EPB41L1: variants seen among roughly 807,000 people sequenced by gnomAD.
EPB41L1 encodes erythrocyte membrane protein band 4.1 like 1, also known as band 4.1-like protein 1.
In EPB41L1, 29 loss-of-function variants were observed where a neutral mutation model predicts 97.8. That is an observed-to-expected ratio of 0.30 (90% confidence interval 0.22 to 0.40). The LOEUF (loss-of-function observed/expected upper bound fraction) is 0.40. Among genes scored for constraint, EPB41L1 ranks in the 10% least tolerant of loss-of-function variants. The pLI is 1.00. For missense variants in EPB41L1, 812 were observed against 1,162.3 expected (o/e 0.70, Z 4.38); for synonymous variants, 383 against 459.2 (o/e 0.83, Z 2.12).
intron 1 of EPB41L1, among the ~76,000 whole-genome samples, chr20:36,095,040 C>T (rs947833750): frequency 4.0e-5 from 6 of 151,850 alleles, no homozygotes; most frequent in Admixed American, 3.9e-4. Context: ...GGCATGATCT[C>T]GGCTCACTGC....
intron 2 of EPB41L1, among the ~76,000 whole-genome samples, chr20:36,130,021 A>C (rs1448512526): frequency 6.7e-6 from 1 of 149,152 alleles, no homozygotes; most frequent in East Asian, 2.0e-4. Flanking sequence ...AGCTTACTGC[A>C]ACCTCCGCCC....
intron 11 of EPB41L1, among the ~76,000 whole-genome samples, chr20:36,193,542 A>T (rs1422882376): frequency 6.6e-6 from 1 of 152,244 alleles, no homozygotes; most frequent in East Asian, 1.9e-4. Flanking sequence ...CCAATGCGTG[A>T]TGCGAAGTCT....
chr20:36,198,691 T>G (rs1270079743), intron 14 of EPB41L1, among the ~76,000 whole-genome samples: 1 of 152,226 alleles, frequency 6.6e-6, no homozygotes, highest in Admixed American at 6.5e-5. Flanking sequence ...AGCACTGCAT[T>G]TAGACTCTCA....
chr20:36,227,807 A>C (rs1038651639), intron 21 of EPB41L1, among the ~76,000 whole-genome samples: 1 of 152,178 alleles, frequency 6.6e-6, no homozygotes, highest in Admixed American at 6.5e-5. Context: ...CACTCATGTC[A>C]CACAGAACCT....
chr20:36,168,459 G>A (rs1346572963), intron 1 of EPB41L1, among the ~76,000 whole-genome samples: 1 of 151,988 alleles, frequency 6.6e-6, no homozygotes, highest in Non-Finnish European at 1.5e-5. Context: ...CCTCCTCACT[G>A]CAGCTTCCCA....
Position 36,229,313 on chromosome 20 carries a change from C to T in EPB41L1, c.2638-19C>T. ...CCCACTCCCCACCCCCCATTCTACC[C>T]CATGCCTCTGGCTTCCAGGAATCCT... On this transcript the variant is annotated intron_variant, in intron 21 of 21. Transcript: ENST00000338074. 6.2e-7 allele frequency: 1 copy of T among 1,610,812 alleles called. No homozygotes were observed. The highest frequency in any genetic ancestry group is 2.2e-5 in the East Asian group (1 of 44,816).
In EPB41L1 at chr20:36,212,300, G is replaced by A. The variant is rs2063178175; in HGVS notation, c.2108G>A (p.Ser703Asn). The A allele has an allele frequency of 6.2e-7, 1 of 1,614,208 alleles. No homozygotes were observed. The highest frequency in any genetic ancestry group is 8.5e-7 in the Non-Finnish European group (1 of 1,180,036). The change falls in exon 16 of 22, where the codon AGC (serine) becomes AAC (asparagine). Residue 703 changes from serine to asparagine, a missense_variant. By Grantham distance (46) the Ser-to-Asn change is conservative. Transcript: ENST00000338074. This position sits in a 1 kb window ranked among gnomAD's most constrained non-coding sequence, Gnocchi z 4.8. ...GTGAAAACAGAAACCATGACTGTCA[G>A]CAGTCTGGCCATTAGAAAGAAGATT... ...EPVKTETMTV[S>N]SLAIRKKIEP... is the part of the protein sequence containing the mutation.
intron 21 of EPB41L1, among the ~76,000 whole-genome samples, chr20:36,222,646 T>C (rs1431196974): frequency 2.0e-5 from 3 of 151,950 alleles, no homozygotes; most frequent in Non-Finnish European, 4.4e-5. Flanking sequence ...GAAAAATAAA[T>C]CCAGAAGTGG....
rs148334924 is a variant in EPB41L1, at chr20:36,171,446, T to C, written c.-14-2318T>C. 7.3e-3 allele frequency among the ~76,000 whole-genome samples: 1,116 copies of C among 152,142 alleles called. 13 individuals are homozygous for C. The highest frequency in any genetic ancestry group is 0.026 in the African/African-American group (1,058 of 41,486). ...GGCTTGAGTGGAAAGCATTTCTGGGTGGGGAGGAGGTGATGGGGACCCAGG... is the reference window on the plus strand; with the variant it reads ...GGCTTGAGTGGAAAGCATTTCTGGGCGGGGAGGAGGTGATGGGGACCCAGG... On this transcript the variant is annotated intron_variant, in intron 1 of 21. Coordinates refer to ENST00000338074, the MANE Select transcript of EPB41L1 (RefSeq NM_012156.2).
chr20:36,178,085 C>T, intron 4 of EPB41L1, 29 bp downstream of exon 4: 2 of 1,551,018 alleles, frequency 1.3e-6, no homozygotes, highest in Non-Finnish European at 1.8e-6. Flanking sequence ...AGGGTGGGAC[C>T]TGCTCTTCCG....
At chr20:36,180,489 A>G (rs1347177323) in intron 5 of EPB41L1, among the ~76,000 whole-genome samples, 1 of 152,140 alleles carries the variant, frequency 6.6e-6, no homozygotes, top group Non-Finnish European at 1.5e-5. Flanking sequence ...TGACATATGT[A>G]TGGACAGCAC....
At chr20:36,200,989 C>T (rs764317640) in intron 14 of EPB41L1, 11 of 457,004 alleles carry the variant, frequency 2.4e-5, no homozygotes, top group Non-Finnish European at 3.5e-5. Context: ...TTACTGTCTT[C>T]ACCTTCCTGT....
At chr20:36,144,408 C>A (rs1198081553) in intron 2 of EPB41L1, among the ~76,000 whole-genome samples, 1 of 152,200 alleles carries the variant, frequency 6.6e-6, no homozygotes, top group Non-Finnish European at 1.5e-5. Context: ...ATGGATCCAA[C>A]TGAACAGGCT....
At chr20:36,204,678 T>C (rs1245101695) in intron 14 of EPB41L1, among the ~76,000 whole-genome samples, 3 of 150,290 alleles carry the variant, frequency 2.0e-5, no homozygotes, top group Non-Finnish European at 4.4e-5. Flanking sequence ...AGTCTCGCTC[T>C]GTCACCAGGC....
chr20:36,221,848 C>G lies in EPB41L1; in HGVS notation c.2440-16C>G, dbSNP rs1316269465. ...ACAGGACCCAAGAGTGACCTCACCT[C>G]CCTCTCCCTCTGCAGACTGTGAAAG... is the stretch of plus-strand genomic sequence containing the variant. On this transcript the variant is annotated splice_polypyrimidine_tract_variant and intron_variant, in intron 19 of 21. Coordinates refer to ENST00000338074, the MANE Select transcript of EPB41L1 (RefSeq NM_012156.2). 4 of 1,613,500 alleles carry G rather than the reference C, an allele frequency of 2.5e-6. No individual in the cohort carries two copies. The highest frequency in any genetic ancestry group is 3.4e-6 in the Non-Finnish European group (4 of 1,179,520).
chr20:36,225,014 G>T (rs1341478893), intron 21 of EPB41L1, among the ~76,000 whole-genome samples: 1 of 152,158 alleles, frequency 6.6e-6, no homozygotes, highest in Non-Finnish European at 1.5e-5. Flanking sequence ...TAGAGACGGG[G>T]TTTCACCATA....
intron 2 of EPB41L1, among the ~76,000 whole-genome samples, chr20:36,140,395 A>G (rs1342259013): frequency 1.3e-5 from 2 of 152,062 alleles, no homozygotes; most frequent in African/African-American, 4.8e-5. Context: ...TCTAAGAGAC[A>G]TGGTAGTCAA....
intron 2 of EPB41L1, among the ~76,000 whole-genome samples, chr20:36,140,043 T>G (rs528102573): frequency 4.9e-4 from 73 of 149,270 alleles, no homozygotes; most frequent in African/African-American, 1.2e-3. Flanking sequence ...GTGGTTTTTT[T>G]TTGTTGTTGT....
chr20:36,194,344 A>G lies in EPB41L1; in HGVS notation c.1433A>G (p.Lys478Arg), dbSNP rs1431468763. 1.2e-6 allele frequency: 2 copies of G among 1,612,440 alleles called. No individual in the cohort carries two copies. Among genetic ancestry groups the G allele is most frequent in the Non-Finnish European group, 1.7e-6 (2 of 1,179,252 alleles). ...AEEGEVRTPT[K>R]IKELKPEQET... The stretch of plus-strand genomic sequence containing the variant: ...GAGGGAGAGGTCAGGACTCCAACCA[A>G]GATCAAGGAGCTAAAGGTAGGAGCC... The change falls in exon 12 of 22, where the codon AAG (lysine) becomes AGG (arginine). Residue 478 changes from lysine (K) to arginine (R), a missense_variant. This residue lies in a region of EPB41L1 where 498 missense variants were observed against 622.7 expected (regional missense o/e 0.80). Transcript: ENST00000338074.
Sources: allele counts gnomAD v4.1 joint callset (sites outside exome capture counted in the v4.1 genomes callset), GRCh38; gene constraint gnomAD v4.1.1; regional missense constraint gnomAD v4.1.1; non-coding constraint Gnocchi (gnomAD v3.1); transcripts MANE v1.5; gene names NCBI Gene and HGNC (gene_info 2026-07-23, HGNC 2026-07-21).